PTPRT: variants seen among roughly 807,000 people sequenced by gnomAD.
The protein encoded by PTPRT is protein tyrosine phosphatase receptor type T, also known as receptor-type tyrosine-protein phosphatase T.
Under a neutral mutation model 176.8 loss-of-function variants are expected in PTPRT, and 56 were observed. That is an observed-to-expected ratio of 0.32 (90% CI 0.26 to 0.40). The LOEUF is 0.40. Ranked by LOEUF, PTPRT falls within the 10% of genes least tolerant of loss-of-function variation. PTPRT has a pLI of 1.00. For synonymous variants in PTPRT, 783 were observed against 739.0 expected, an observed-to-expected ratio of 1.06 and a Z score of -0.96; for missense variants, 1,540 against 1,908.2, an observed-to-expected ratio of 0.81 and a Z score of 3.60.
At position 42,634,047 on chromosome 20, in the gene PTPRT, ATATATTATAAAT is replaced by A; in HGVS notation, c.1153+43807_1153+43818del. Among the ~76,000 whole-genome samples, 5 of 31,836 alleles carry A rather than the reference ATATATTATAAAT, an allele frequency of 1.6e-4. No homozygotes were observed. The East Asian group carries it at 5.0e-3, about 32-fold the overall frequency. 20.9% of individuals were successfully genotyped at this position (31,836 alleles called of 152,430 possible). ...AATATATATATTATATATATTATAT[ATATATTATAAAT>A]ATATAATATATATATAATATATATA... On this transcript the variant is annotated intron_variant, in intron 7 of 30. Coordinates refer to ENST00000373187, the MANE Select transcript of PTPRT (RefSeq NM_007050.6).
chr20:42,505,494 G>T (rs930431866), intron 7 of PTPRT, among the ~76,000 whole-genome samples: 1 of 152,016 alleles, frequency 6.6e-6, no homozygotes, highest in Non-Finnish European at 1.5e-5. Context: ...TAGAGACCAG[G>T]TTTCATCATG....
chr20:42,124,922 C>T (rs1363042455), intron 19 of PTPRT, among the ~76,000 whole-genome samples: 1 of 152,138 alleles, frequency 6.6e-6, no homozygotes, highest in Non-Finnish European at 1.5e-5. Context: ...ATTCTTTCTG[C>T]TTCAAATTGG....
At chr20:42,167,496 C>A (rs1462643282) in intron 16 of PTPRT, among the ~76,000 whole-genome samples, 1 of 152,178 alleles carries the variant, frequency 6.6e-6, no homozygotes, top group Non-Finnish European at 1.5e-5. Flanking sequence ...TCTTAACTAG[C>A]TAATCAAATT....
chr20:42,658,801 C>A (rs1279611871), intron 7 of PTPRT, among the ~76,000 whole-genome samples: 1 of 152,084 alleles, frequency 6.6e-6, no homozygotes, highest in Non-Finnish European at 1.5e-5. Context: ...CTATTCAATT[C>A]TATTATATAT....
At chr20:43,184,557 T>C (rs2015342868) in intron 1 of PTPRT, among the ~76,000 whole-genome samples, 1 of 152,022 alleles carries the variant, frequency 6.6e-6, no homozygotes, top group African/African-American at 2.4e-5. Context: ...CATGGTGGCG[T>C]GCACCTATGG....
At chr20:42,289,678 T>TA (rs1489650480) in intron 12 of PTPRT, among the ~76,000 whole-genome samples, 3 of 152,072 alleles carry the variant, frequency 2.0e-5, no homozygotes, top group Non-Finnish European at 4.4e-5. Context: ...GATGATATTG[T>TA]AAATTAGTGC....
chr20:43,120,476 T>TTAGC (rs899543015), intron 1 of PTPRT, among the ~76,000 whole-genome samples: 49 of 152,298 alleles, frequency 3.2e-4, no homozygotes, highest in African/African-American at 1.2e-3. Flanking sequence ...TTTCACCATG[T>TTAGC]TAGCCAGGAT....
At chr20:42,831,828 T>C (rs921228586) in intron 2 of PTPRT, among the ~76,000 whole-genome samples, 12 of 152,292 alleles carry the variant, frequency 7.9e-5, no homozygotes, top group African/African-American at 2.9e-4. Context: ...CACAATGAGA[T>C]ACCATCTCAC....
At chr20:42,423,114 G>T (rs1184159115) in intron 9 of PTPRT, among the ~76,000 whole-genome samples, 3 of 144,006 alleles carry the variant, frequency 2.1e-5, no homozygotes, top group Non-Finnish European at 4.5e-5. Flanking sequence ...AATACCTGGG[G>T]GATGAAATAA....
At chr20:42,701,957 T>A (rs1206959741) in intron 6 of PTPRT, among the ~76,000 whole-genome samples, 1 of 152,114 alleles carries the variant, frequency 6.6e-6, no homozygotes, top group Non-Finnish European at 1.5e-5. Context: ...CATAGAGGTA[T>A]CAAGTGGCAA....
intron 1 of PTPRT, among the ~76,000 whole-genome samples, chr20:42,999,831 C>T (rs1984451676): frequency 6.6e-6 from 1 of 151,702 alleles, no homozygotes; most frequent in Non-Finnish European, 1.5e-5. Context: ...TGACTCTGAG[C>T]CCACATCTCA....
At chr20:43,008,261 A>G (rs1984952868) in intron 1 of PTPRT, among the ~76,000 whole-genome samples, 1 of 152,164 alleles carries the variant, frequency 6.6e-6, no homozygotes, top group Non-Finnish European at 1.5e-5. Flanking sequence ...GTCCTTAAAA[A>G]GGGGCTCCAG....
intron 9 of PTPRT, among the ~76,000 whole-genome samples, chr20:42,368,798 G>A (rs2058548608): frequency 6.6e-6 from 1 of 152,162 alleles, no homozygotes; most frequent in African/African-American, 2.4e-5. Flanking sequence ...GAAGTGCTCT[G>A]AATATAAATA....
intron 3 of PTPRT, among the ~76,000 whole-genome samples, chr20:42,786,404 T>C (rs1460186290): frequency 2.0e-5 from 3 of 152,194 alleles, no homozygotes; most frequent in African/African-American, 7.2e-5. Flanking sequence ...AGGAAGAAGA[T>C]TCTCAGAAAG....
rs2145550371 is a variant in PTPRT at position 42,791,414 on chromosome 20, G to C, written c.267C>G (p.His89Gln). The C allele has an allele frequency of 6.2e-7, 1 of 1,614,002 alleles. No homozygotes were observed. The highest frequency in any genetic ancestry group is 8.5e-7 in the Non-Finnish European group (1 of 1,179,896). The part of the protein sequence containing the change: ...SSGRASGQKA[H>Q]LLLPTLKEND... ...TCTCCTTCAGGGTTGGCAGGAGAAG[G>C]TGGGCCTTCTGGCCAGAGGCTCTCC... is the stretch of plus-strand genomic sequence containing the variant. The change falls in exon 3 of 31, where the codon CAC (histidine) becomes CAG (glutamine). Residue 89 changes from histidine to glutamine, a missense_variant. Physicochemically the swap from His to Gln is conservative, Grantham distance 24. Coordinates refer to ENST00000373187, the MANE Select transcript of PTPRT (RefSeq NM_007050.6).
At chr20:42,728,234 C>T (rs75582703) in intron 6 of PTPRT, among the ~76,000 whole-genome samples, 2 of 152,130 alleles carry the variant, frequency 1.3e-5, no homozygotes, top group Non-Finnish European at 2.9e-5. Context: ...CATTCTAATG[C>T]CCCGAAGGAC....
intron 2 of PTPRT, among the ~76,000 whole-genome samples, chr20:42,793,397 A>G (rs1473760877): frequency 6.6e-6 from 1 of 152,128 alleles, no homozygotes; most frequent in Non-Finnish European, 1.5e-5. Context: ...ATGTGTACGC[A>G]TTATTTAGCT....
At chr20:42,081,501 C>A (rs1266115915) in intron 30 of PTPRT, among the ~76,000 whole-genome samples, 3 of 152,210 alleles carry the variant, frequency 2.0e-5, no homozygotes, top group Admixed American at 6.5e-5. Flanking sequence ...GTACTCTCTA[C>A]TATAAATGCT....
chr20:42,879,775 A>G (rs1240824773), intron 2 of PTPRT, among the ~76,000 whole-genome samples: 1 of 151,612 alleles, frequency 6.6e-6, no homozygotes, highest in Non-Finnish European at 1.5e-5. Context: ...GTGTGTGTGC[A>G]TGTGCATGTG....
Sources: gnomAD v4.1 joint callset for allele counts (sites outside exome capture counted in the v4.1 genomes callset) on GRCh38, gnomAD v4.1.1 for gene constraint, MANE v1.5 for transcripts, NCBI Gene and HGNC (gene_info 2026-07-23, HGNC 2026-07-21) for gene names.